The following DLG2 variants were observed in gnomAD, a reference collection of about 807,000 sequenced individuals.
The protein encoded by DLG2 is discs large MAGUK scaffold protein 2.
DLG2 carries 45 observed loss-of-function variants against 132.5 expected under a neutral mutation model. The ratio of observed to expected loss-of-function variants is 0.34; its 90% confidence interval spans 0.27 to 0.44. The LOEUF is 0.44. Among genes scored for constraint, DLG2 ranks in the 20% least tolerant of loss-of-function variants. The pLI is 1.00. For synonymous variants in DLG2, 424 were observed against 419.6 expected (o/e 1.01, Z -0.13); for missense variants, 1,045 against 1,196.9 (o/e 0.87, Z 1.87).
At chr11:83,794,436 G>GTTTT (rs1566986420) in intron 17 of DLG2, among the ~76,000 whole-genome samples, 1 of 90,004 alleles carries the variant, frequency 1.1e-5, no homozygotes, top group African/African-American at 5.0e-5. Flanking sequence ...ATTTACTATT[G>GTTTT]GTTTTTTTTT....
At chr11:84,802,659 C>T (rs2075542251) in intron 6 of DLG2, among the ~76,000 whole-genome samples, 1 of 147,336 alleles carries the variant, frequency 6.8e-6, no homozygotes, top group African/African-American at 2.5e-5. Flanking sequence ...AAAAAAAACT[C>T]TGGGTGGTGC....
At chr11:84,997,018 A>G (rs1402784148) in intron 6 of DLG2, among the ~76,000 whole-genome samples, 1 of 152,156 alleles carries the variant, frequency 6.6e-6, no homozygotes, top group Non-Finnish European at 1.5e-5. Context: ...GAGAAGGGGT[A>G]GTGAGAGTAG....
chr11:84,887,576 A>C (rs919557082), intron 6 of DLG2, among the ~76,000 whole-genome samples: 1 of 152,142 alleles, frequency 6.6e-6, no homozygotes, highest in African/African-American at 2.4e-5. Flanking sequence ...CTAATATTTG[A>C]TGACACATAA....
intron 6 of DLG2, among the ~76,000 whole-genome samples, chr11:84,955,071 C>A (rs2051464628): frequency 6.6e-6 from 1 of 152,128 alleles, no homozygotes; most frequent in African/African-American, 2.4e-5. Context: ...TTCAATAAAA[C>A]TTTGTTTACA....
intron 11 of DLG2, among the ~76,000 whole-genome samples, chr11:84,036,359 G>T (rs2095862868): frequency 6.6e-6 from 1 of 152,122 alleles, no homozygotes; most frequent in Non-Finnish European, 1.5e-5. Flanking sequence ...AAAATGAAAT[G>T]TTGTTGCTAG....
At chr11:85,395,128 T>C (rs1447550837) in intron 3 of DLG2, among the ~76,000 whole-genome samples, 1 of 152,162 alleles carries the variant, frequency 6.6e-6, no homozygotes, top group Admixed American at 6.5e-5. Flanking sequence ...CCTTTGGCAC[T>C]TGGGGACAAC....
At chr11:84,676,667 C>G (rs534458419) in intron 6 of DLG2, among the ~76,000 whole-genome samples, 1 of 152,162 alleles carries the variant, frequency 6.6e-6, no homozygotes, top group African/African-American at 2.4e-5. Flanking sequence ...GTACCTGATT[C>G]TGTACTACCT....
chr11:85,427,869 A>G (rs1296413044), intron 3 of DLG2, among the ~76,000 whole-genome samples: 1 of 152,246 alleles, frequency 6.6e-6, no homozygotes, highest in African/African-American at 2.4e-5. Context: ...AGTGTGCTGT[A>G]TTCAGGAAAC....
intron 6 of DLG2, among the ~76,000 whole-genome samples, chr11:84,621,371 T>G (rs1470280636): frequency 6.6e-6 from 1 of 152,120 alleles, no homozygotes; most frequent in Admixed American, 6.6e-5. Flanking sequence ...ATTTTCATGC[T>G]GAAGATTATG....
Position 84,531,422 on chromosome 11 carries a change from T to C in DLG2, c.519+3148A>G, listed in dbSNP as rs575007372. On this transcript the variant is annotated intron_variant, in intron 7 of 27. Transcript: ENST00000376104. ...AAATAATCTGCACACCAAACCTCCA[T>C]GATATGCAGTTTACCTATATAACAA... 1.6e-4 allele frequency among the ~76,000 whole-genome samples: 25 copies of C among 152,306 alleles called. 1 individual carries two copies. The highest frequency in any genetic ancestry group is 5.8e-4 in the African/African-American group (24 of 41,556).
intron 7 of DLG2, among the ~76,000 whole-genome samples, chr11:84,413,069 G>A (rs1337128343): frequency 6.6e-6 from 1 of 152,160 alleles, no homozygotes; most frequent in African/African-American, 2.4e-5. Flanking sequence ...CACAATGCCT[G>A]ACACTGAATA....
chr11:84,190,893 T>C (rs1480553566), intron 8 of DLG2, among the ~76,000 whole-genome samples: 1 of 152,182 alleles, frequency 6.6e-6, no homozygotes, highest in Non-Finnish European at 1.5e-5. Flanking sequence ...GATATACTAG[T>C]TTATTGATAA....
At chr11:84,313,992 T>C (rs1317552596) in intron 7 of DLG2, among the ~76,000 whole-genome samples, 2 of 152,222 alleles carry the variant, frequency 1.3e-5, no homozygotes, top group Non-Finnish European at 2.9e-5. Context: ...TTTTCAGACC[T>C]GCTGAGGAAC....
At position 83,458,293 on chromosome 11, in the gene DLG2, T is replaced by C. The variant is rs1439544643; in HGVS notation, c.*1525A>G. The C allele has an allele frequency of 6.6e-6, 1 of 152,630 alleles. No individual in the cohort carries two copies. Among genetic ancestry groups the C allele is most frequent in the Non-Finnish European group, 1.5e-5 (1 of 68,040 alleles). The allele number at this position is 152,630 out of a possible 1,614,324, so 9.5% of individuals were successfully genotyped here. A position where few individuals can be genotyped will look rare whatever the true frequency, so the allele number is the denominator to read the frequency against. ...TGGGAAACCAACTCTTCTAGTTCAG[T>C]TTATAGGCTTTGGGAGGTTTCTTTT... On this transcript the variant is annotated 3_prime_UTR_variant, in exon 28 of 28. Transcript: ENST00000376104.
intron 10 of DLG2, among the ~76,000 whole-genome samples, chr11:84,084,297 T>C (rs1248305166): frequency 1.3e-5 from 2 of 152,176 alleles, no homozygotes; most frequent in Non-Finnish European, 2.9e-5. Flanking sequence ...TGTAGAAATT[T>C]GAGAATTCTA....
chr11:83,483,209 G>C (rs766234889), intron 22 of DLG2: 2 of 1,561,916 alleles, frequency 1.3e-6, no homozygotes, highest in Non-Finnish European at 1.8e-6. Flanking sequence ...CAAAAGGAAA[G>C]GAAAAGAAAA....
In DLG2 at chr11:85,023,972, T is replaced by C. The variant is rs189815172; in HGVS notation, c.357+87689A>G. ...TGTAGCTTCGCCACTCATACCCTTT[T>C]GGCCACCCCACTGTTTTCATTAAAT... On this transcript the variant is annotated intron_variant, in intron 6 of 27. Coordinates refer to ENST00000376104, the MANE Select transcript of DLG2 (RefSeq NM_001142699.3). 2.0e-5 allele frequency among the ~76,000 whole-genome samples: 3 copies of C among 152,268 alleles called. No individual in the cohort carries two copies. The South Asian group carries it at 6.2e-4, about 32-fold the overall frequency.
intron 16 of DLG2, among the ~76,000 whole-genome samples, chr11:83,849,333 AAAT>A (rs979751655): frequency 1.3e-4 from 18 of 140,836 alleles, no homozygotes; most frequent in Non-Finnish European, 2.1e-4. Flanking sequence ...ATAAATTAAT[AAAT>A]AATAAACAAA....
At position 83,880,442 on chromosome 11, in the gene DLG2, G is replaced by C. The variant is rs1007966511; in HGVS notation, c.1497-5954C>G. On this transcript the variant is annotated intron_variant, in intron 15 of 27. Transcript: ENST00000376104. ...CAGGAATTAATAAGAAGGAGCTAAG[G>C]AGAAGACACTTTGATTCCAGTGATC... 3.9e-5 allele frequency among the ~76,000 whole-genome samples: 6 copies of C among 152,150 alleles called. No homozygotes were observed. In the East Asian group the frequency reaches 9.6e-4, roughly 24 times the overall value.
Sources: gnomAD v4.1 joint callset for allele counts (sites outside exome capture counted in the v4.1 genomes callset) on GRCh38, gnomAD v4.1.1 for gene constraint, MANE v1.5 for transcripts, NCBI Gene and HGNC (gene_info 2026-07-23, HGNC 2026-07-21) for gene names.